The following CNTN6 variants were observed in gnomAD, a reference collection of about 807,000 sequenced individuals.
CNTN6 encodes the protein contactin 6, also known as contactin-6.
In CNTN6, 137 loss-of-function variants were observed where a neutral mutation model predicts 122.8. The observed-to-expected ratio is 1.12, with a 90% CI of 0.97 to 1.29. The LOEUF (loss-of-function observed/expected upper bound fraction) is 1.29, where lower values mean the gene tolerates loss of function less well. Ranked by LOEUF, CNTN6 falls within the 50% of genes most tolerant of loss-of-function variation. The pLI is 0.00. For synonymous variants in CNTN6, 570 were observed against 426.0 expected, an observed-to-expected ratio of 1.34 and a Z score of -4.16; for missense variants, 1,634 against 1,223.4, an observed-to-expected ratio of 1.34 and a Z score of -5.01.
chr3:1,112,558 C>G (rs186238641), intron 1 of CNTN6, among the ~76,000 whole-genome samples: 4 of 152,204 alleles, frequency 2.6e-5, no homozygotes, highest in African/African-American at 7.2e-5. Flanking sequence ...ACCAATTCAC[C>G]TTTTCTGTTT....
intron 2 of CNTN6, among the ~76,000 whole-genome samples, chr3:1,208,354 A>G (rs1201420541): frequency 2.0e-5 from 3 of 148,958 alleles, no homozygotes; most frequent in African/African-American, 7.6e-5. Flanking sequence ...AGGTATTTTC[A>G]TATCTTTATT....
At position 1,187,547 on chromosome 3, in the gene CNTN6, G is replaced by A. The variant is rs561340268; in HGVS notation, c.56-33140G>A. Among the ~76,000 whole-genome samples the A allele has an allele frequency of 1.1e-4, 17 of 152,236 alleles. No individual in the cohort carries two copies. The South Asian group carries it at 2.3e-3, about 20-fold the overall frequency. On this transcript the variant is annotated intron_variant, in intron 2 of 22. Transcript: ENST00000446702. The stretch of plus-strand genomic sequence containing the variant: ...TAAATTCTGTAGTTTCCCTCCTCTA[G>A]CCCAGCAGGTGTCTGGGTTTCATTT...
At chr3:1,285,040 C>G (rs1392696447) in intron 5 of CNTN6, among the ~76,000 whole-genome samples, 3 of 152,152 alleles carry the variant, frequency 2.0e-5, no homozygotes, top group Non-Finnish European at 4.4e-5. Flanking sequence ...CTCTGACTTT[C>G]ATTTGTAAAA....
chr3:1,122,825 T>C (rs2125067476), intron 1 of CNTN6, among the ~76,000 whole-genome samples: 1 of 152,044 alleles, frequency 6.6e-6, no homozygotes, highest in African/African-American at 2.4e-5. Flanking sequence ...TATGTACATA[T>C]CACAATTTGT....
chr3:1,266,853 G>GC (rs1461551869), intron 4 of CNTN6, among the ~76,000 whole-genome samples: 1 of 151,348 alleles, frequency 6.6e-6, no homozygotes, highest in Non-Finnish European at 1.5e-5. Flanking sequence ...AACACCTTCA[G>GC]CCCCCTTTGC....
chr3:1,325,712 C>T (rs1475743541), intron 8 of CNTN6, 103 bp from the exon 9 acceptor site: 1 of 1,204,896 alleles, frequency 8.3e-7, no homozygotes, highest in Non-Finnish European at 1.1e-6. Context: ...CCAACTGGAC[C>T]CAGTTAGCCT....
At chr3:1,286,083 A>G (rs1476658488) in intron 5 of CNTN6, among the ~76,000 whole-genome samples, 1 of 152,200 alleles carries the variant, frequency 6.6e-6, no homozygotes, top group Non-Finnish European at 1.5e-5. Context: ...CAGCACATCA[A>G]ACAGAACTCT....
chr3:1,337,940 C>T (rs1703305536), intron 11 of CNTN6, among the ~76,000 whole-genome samples: 1 of 152,066 alleles, frequency 6.6e-6, no homozygotes, highest in South Asian at 2.1e-4. Context: ...TGATCTGGGG[C>T]ACTCACCTTT....
chr3:1,282,006 ACACATAACT>A (rs1693546994), intron 5 of CNTN6, among the ~76,000 whole-genome samples: 1 of 151,980 alleles, frequency 6.6e-6, no homozygotes, highest in African/African-American at 2.4e-5. Context: ...ACACACACAC[ACACATAACT>A]TTATAGGAGA....
chr3:1,228,756 G>A (rs2094318088), intron 4 of CNTN6, among the ~76,000 whole-genome samples: 1 of 152,148 alleles, frequency 6.6e-6, no homozygotes, highest in Non-Finnish European at 1.5e-5. Context: ...TGCTATACCT[G>A]CAGGGCTCAT....
intron 2 of CNTN6, among the ~76,000 whole-genome samples, chr3:1,209,474 T>C (rs2094003219): frequency 6.6e-6 from 1 of 152,212 alleles, no homozygotes; most frequent in East Asian, 1.9e-4. Flanking sequence ...AGACACAGTC[T>C]AGCTTTGCAT....
chr3:1,195,382 A>G (rs956433277), intron 2 of CNTN6, among the ~76,000 whole-genome samples: 7 of 152,140 alleles, frequency 4.6e-5, no homozygotes, highest in African/African-American at 1.7e-4. Context: ...TGATACCTGA[A>G]TAGTAATAAA....
Position 1,158,869 on chromosome 3 carries a change from T to C in CNTN6, c.55+10806T>C, listed in dbSNP as rs368358445. On this transcript the variant is annotated intron_variant, in intron 2 of 22. Coordinates refer to ENST00000446702, the MANE Select transcript of CNTN6 (RefSeq NM_001289080.2). Reference sequence around the variant, plus strand: ...ATATACATACATATATATACACACATATATATACACATATATACACACATA... The same window carrying C: ...ATATACATACATATATATACACACACATATATACACATATATACACACATA... 8.8e-4 allele frequency among the ~76,000 whole-genome samples: 95 copies of C among 107,678 alleles called. No homozygotes were observed. In the South Asian group the frequency reaches 0.012, roughly 14 times the overall value. 70.6% of individuals were successfully genotyped at this position (107,678 alleles called of 152,430 possible). A position where few individuals can be genotyped will look rare whatever the true frequency, so the allele number is the denominator to read the frequency against.
In CNTN6 at chr3:1,245,090, A is replaced by G. The variant is rs138724789; in HGVS notation, c.358+17097A>G. On this transcript the variant is annotated intron_variant, in intron 4 of 22. Transcript: ENST00000446702. Reference sequence around the variant, plus strand: ...GGCCTGGTCTGGGCTCAGAGGCCTGACAAAAAATCTTTGCACACACGTGTT... The same window carrying G: ...GGCCTGGTCTGGGCTCAGAGGCCTGGCAAAAAATCTTTGCACACACGTGTT... Among the ~76,000 whole-genome samples, 352 of 146,956 alleles carry G rather than the reference A, an allele frequency of 2.4e-3. 5 individuals carry two copies. Among genetic ancestry groups the G allele is most frequent in the African/African-American group, 8.4e-3 (331 of 39,580 alleles).
intron 4 of CNTN6, among the ~76,000 whole-genome samples, chr3:1,244,571 G>A (rs1013834151): frequency 1.3e-5 from 2 of 152,192 alleles, no homozygotes; most frequent in African/African-American, 4.8e-5. Flanking sequence ...CAGGAGGACG[G>A]GGGATTGATC....
intron 4 of CNTN6, among the ~76,000 whole-genome samples, chr3:1,236,210 T>G (rs1441798694): frequency 6.6e-6 from 1 of 150,978 alleles, no homozygotes; most frequent in Non-Finnish European, 1.5e-5. Flanking sequence ...CCTGAATACT[T>G]TTGCATCCTC....
chr3:1,386,689 T>C (rs1693011197), intron 20 of CNTN6, among the ~76,000 whole-genome samples: 1 of 151,152 alleles, frequency 6.6e-6, no homozygotes, highest in Admixed American at 6.6e-5. Flanking sequence ...TCAGACTTTT[T>C]AAAACACATT....
At chr3:1,312,785 G>T (rs1230862102) in intron 7 of CNTN6, among the ~76,000 whole-genome samples, 1 of 150,630 alleles carries the variant, frequency 6.6e-6, no homozygotes, top group Non-Finnish European at 1.5e-5. Flanking sequence ...CTCCATGTCT[G>T]TGGAAAGACA....
intron 4 of CNTN6, among the ~76,000 whole-genome samples, chr3:1,240,969 T>G (rs1004082771): frequency 3.3e-5 from 5 of 151,784 alleles, no homozygotes; most frequent in Non-Finnish European, 5.9e-5. Context: ...TGGGTGGATC[T>G]CACAAAGTAC....
Sources: allele counts gnomAD v4.1 joint callset (sites outside exome capture counted in the v4.1 genomes callset), GRCh38; gene constraint gnomAD v4.1.1; transcripts MANE v1.5; gene names NCBI Gene and HGNC (gene_info 2026-07-23, HGNC 2026-07-21).